Variants in CEP126 observed in about 807,000 individuals in gnomAD.
CEP126 encodes the protein centrosomal protein of 126 kDa.
Under a neutral mutation model 107.8 loss-of-function variants are expected in CEP126, and 74 were observed. The ratio of observed to expected loss-of-function variants is 0.69; its 90% CI spans 0.57 to 0.83. The LOEUF is 0.83. Among genes scored for constraint, CEP126 ranks in the 40% least tolerant of loss-of-function variants. CEP126 has a pLI of 0.00. For synonymous variants in CEP126, 449 were observed against 446.0 expected (o/e 1.01, Z -0.08); for missense variants, 1,237 against 1,281.9 (o/e 0.96, Z 0.53).
chr11:101,997,704 G>T lies in CEP126; in HGVS notation c.*61G>T. Reference sequence around the variant, plus strand: ...ACTTCCCTAGGACTAGATGCATACCGTTTTGTGAAAACCAGCCATAGGAAA... The same window carrying T: ...ACTTCCCTAGGACTAGATGCATACCTTTTTGTGAAAACCAGCCATAGGAAA... On this transcript the variant is annotated 3_prime_UTR_variant, in exon 11 of 11. Coordinates refer to ENST00000263468, the MANE Select transcript of CEP126 (RefSeq NM_020802.4). 1 of 1,604,238 alleles carries T rather than the reference G, an allele frequency of 6.2e-7. No homozygotes were observed. The highest frequency in any genetic ancestry group is 8.5e-7 in the Non-Finnish European group (1 of 1,174,966).
intron 3 of CEP126, among the ~76,000 whole-genome samples, chr11:101,945,455 A>G (rs1940721613): frequency 6.6e-6 from 1 of 152,224 alleles, no homozygotes; most frequent in Non-Finnish European, 1.5e-5. Flanking sequence ...TGCAAAATAC[A>G]GTCCACTTAC....
At chr11:101,923,201 AAAAAATATGAATAATGGTATAAAAATTGG>A (rs1244963285) in intron 2 of CEP126, among the ~76,000 whole-genome samples, 1 of 152,156 alleles carries the variant, frequency 6.6e-6, no homozygotes, top group Non-Finnish European at 1.5e-5. Flanking sequence ...GAAAAATTGG[AAAAAATATGAATAATGGTATAAAAATTGG>A]AAAAATATGA....
intron 10 of CEP126, among the ~76,000 whole-genome samples, chr11:101,995,554 C>T (rs1941432263): frequency 6.6e-6 from 1 of 152,196 alleles, no homozygotes; most frequent in South Asian, 2.1e-4. Flanking sequence ...TTCCTGGTCC[C>T]CTGTCCTTTG....
At chr11:101,982,544 T>G (rs1435505548) in intron 8 of CEP126, among the ~76,000 whole-genome samples, 2 of 152,184 alleles carry the variant, frequency 1.3e-5, no homozygotes, top group Non-Finnish European at 2.9e-5. Context: ...GTACTCTTTT[T>G]TCTTAGATAT....
chr11:101,930,275 T>C (rs1675081398), intron 2 of CEP126, among the ~76,000 whole-genome samples: 1 of 152,134 alleles, frequency 6.6e-6, no homozygotes, highest in Non-Finnish European at 1.5e-5. Flanking sequence ...GTGAACTATT[T>C]GCATATAATC....
rs763126869 is a variant in CEP126 at position 101,963,066 on chromosome 11, T to C, written c.2031T>C (p.Ser677=). Reference sequence around the variant, plus strand: ...CTGGAAGCAACATAATTAGTGTTTCTACTTGTGCTGTAAATTCTGCTGATA... The same window carrying C: ...CTGGAAGCAACATAATTAGTGTTTCCACTTGTGCTGTAAATTCTGCTGATA... ...SGAGSNIISV[S]TCAVNSADTK... Residue 677 remains serine, a synonymous_variant, in exon 6 of 11, where the codon TCT becomes TCC. Coordinates refer to ENST00000263468, the MANE Select transcript of CEP126 (RefSeq NM_020802.4). 3 of 1,614,152 alleles carry C rather than the reference T, an allele frequency of 1.9e-6. No homozygotes were observed. The highest frequency in any genetic ancestry group is 2.5e-6 in the Non-Finnish European group (3 of 1,179,996).
intron 1 of CEP126, chr11:101,916,504 G>C (rs554606250): frequency 6.6e-6 from 1 of 152,178 alleles, no homozygotes; most frequent in South Asian, 2.1e-4. Context: ...TGCAATAGCT[G>C]CTTCTAGTTC....
chr11:101,956,336 C>G lies in CEP126; in HGVS notation c.507-1832C>G, dbSNP rs921120585. On this transcript the variant is annotated intron_variant, in intron 4 of 10. Coordinates refer to ENST00000263468, the MANE Select transcript of CEP126 (RefSeq NM_020802.4). ...GCCTTCCTGTTTATCCAGTCACCCC[C>G]CTTATCCACCAGTCCCCACTCTTTC... 7 of 456,362 alleles carry G rather than the reference C, an allele frequency of 1.5e-5. 1 individual carries two copies. Among genetic ancestry groups the G allele is most frequent in the East Asian group, 1.4e-4 (2 of 14,376 alleles). 28.3% of individuals were successfully genotyped at this position (456,362 alleles called of 1,614,324 possible).
Position 101,963,783 on chromosome 11 carries a change from A to C in CEP126, c.2748A>C (p.Glu916Asp), listed in dbSNP as rs762199613. ...YCTQRSPVCE[E>D]SYPSVTLRTA... ...CCCAAAGAAGTCCTGTTTGTGAAGA[A>C]AGTTATCCGTCTGTGACTCTAAGAA... Residue 916 changes from glutamate (E) to aspartate (D), a missense_variant, in exon 6 of 11, where the codon GAA (glutamate) becomes GAC (aspartate). Coordinates refer to ENST00000263468, the MANE Select transcript of CEP126 (RefSeq NM_020802.4). 4.3e-6 allele frequency: 7 copies of C among 1,614,190 alleles called. No individual in the cohort carries two copies. Among genetic ancestry groups the C allele is most frequent in the Non-Finnish European group, 5.9e-6 (7 of 1,180,014 alleles).
intron 9 of CEP126, among the ~76,000 whole-genome samples, chr11:101,992,161 AAT>A (rs1941391841): frequency 7.8e-6 from 1 of 127,612 alleles, no homozygotes; most frequent in Admixed American, 7.5e-5. Flanking sequence ...TTTAAAAAAA[AAT>A]AAAAAGCAGG....
chr11:101,946,507 CA>C (rs1461416601), intron 3 of CEP126, among the ~76,000 whole-genome samples: 1 of 150,474 alleles, frequency 6.6e-6, no homozygotes, highest in Non-Finnish European at 1.5e-5. Context: ...GACCTTATCT[CA>C]AAAAAATAAA....
intron 6 of CEP126, among the ~76,000 whole-genome samples, chr11:101,972,855 G>A (rs75398827): frequency 0.013 from 1,927 of 152,180 alleles, 38 homozygotes; most frequent in African/African-American, 0.044. Flanking sequence ...ATTTTGCCAC[G>A]TATGAATGTA....
intron 8 of CEP126, among the ~76,000 whole-genome samples, chr11:101,984,489 G>A (rs1028552929): frequency 6.6e-6 from 1 of 152,144 alleles, no homozygotes; most frequent in Non-Finnish European, 1.5e-5. Context: ...GACTCCAGGT[G>A]TTTTCATTGA....
At chr11:101,921,052 CTTAT>C (rs1272307541) in intron 1 of CEP126, among the ~76,000 whole-genome samples, 4 of 152,132 alleles carry the variant, frequency 2.6e-5, no homozygotes, top group African/African-American at 7.2e-5. Flanking sequence ...ATTGCTACAA[CTTAT>C]TTAAGGAGAG....
intron 10 of CEP126, among the ~76,000 whole-genome samples, chr11:101,996,743 A>G (rs1941445914): frequency 1.3e-5 from 2 of 152,172 alleles, no homozygotes; most frequent in African/African-American, 4.8e-5. Flanking sequence ...GACTAAATGA[A>G]ACAGATTCAG....
At chr11:101,993,236 G>A (rs764806249) in intron 10 of CEP126, among the ~76,000 whole-genome samples, 2 of 152,106 alleles carry the variant, frequency 1.3e-5, no homozygotes, top group Non-Finnish European at 2.9e-5. Flanking sequence ...GTGGGCCCCA[G>A]TGTCTGTTGT....
intron 2 of CEP126, among the ~76,000 whole-genome samples, chr11:101,943,357 A>G (rs1940691958): frequency 6.6e-6 from 1 of 152,052 alleles, no homozygotes; most frequent in African/African-American, 2.4e-5. Context: ...TGTTCTAGCC[A>G]GGAGAGGTCT....
At chr11:101,920,319 A>G (rs1232503282) in intron 1 of CEP126, among the ~76,000 whole-genome samples, 1 of 152,176 alleles carries the variant, frequency 6.6e-6, no homozygotes, top group Non-Finnish European at 1.5e-5. Flanking sequence ...TGAAATTAAC[A>G]TGTTGAATTA....
chr11:101,920,892 C>A (rs910671618), intron 1 of CEP126, among the ~76,000 whole-genome samples: 7 of 152,170 alleles, frequency 4.6e-5, no homozygotes, highest in African/African-American at 1.7e-4. Context: ...AGGTGTGAGC[C>A]ACTGCGCCCA....
Sources: gnomAD v4.1 joint callset for allele counts (sites outside exome capture counted in the v4.1 genomes callset) on GRCh38, gnomAD v4.1.1 for gene constraint, MANE v1.5 for transcripts, NCBI Gene and HGNC (gene_info 2026-07-23, HGNC 2026-07-21) for gene names.